The following MATR3 variants were observed in gnomAD, a reference collection of about 807,000 sequenced individuals.
MATR3 encodes matrin 3, also known as matrin-3.
Under a neutral mutation model 85.5 loss-of-function variants are expected in MATR3, and 4 were observed. The observed-to-expected ratio is 0.05, with a 90% CI of 0.02 to 0.11. The LOEUF (loss-of-function observed/expected upper bound fraction) is 0.11. Ranked by LOEUF, MATR3 falls within the 10% of genes least tolerant of loss-of-function variation. The pLI is 1.00. For missense variants in MATR3, 685 were observed against 1,016.1 expected (o/e 0.67, Z 4.43); for synonymous variants, 336 against 343.1 (o/e 0.98, Z 0.23).
chr5:139,317,228 A>G (rs1755296323), intron 6 of MATR3, 123 bp downstream of exon 6: 1 of 1,007,974 alleles, frequency 9.9e-7, no homozygotes, highest in Non-Finnish European at 1.5e-6. Context: ...ATTTGAAAAC[A>G]ATCACGTTTT....
chr5:139,279,070 A>G (rs752745872), exon 3 of MATR3: 7 of 460,958 alleles, frequency 1.5e-5, no homozygotes, highest in Non-Finnish European at 3.0e-5. Flanking sequence ...CCTGAATGAC[A>G]TCTACCTCCA....
intron 1 of MATR3, among the ~76,000 whole-genome samples, chr5:139,304,784 A>G (rs879483889): frequency 2.0e-5 from 3 of 152,234 alleles, no homozygotes; most frequent in Non-Finnish European, 4.4e-5. Flanking sequence ...GGAAAAAACA[A>G]TACAGTAAAA....
At chr5:139,320,484 G>C (rs892819398) in intron 9 of MATR3, among the ~76,000 whole-genome samples, 1 of 152,086 alleles carries the variant, frequency 6.6e-6, no homozygotes, top group African/African-American at 2.4e-5. Flanking sequence ...TGCTCGTACA[G>C]TTTTAGCTAC....
chr5:139,327,507 C>T (rs1401719784), intron 14 of MATR3, among the ~76,000 whole-genome samples: 12 of 152,102 alleles, frequency 7.9e-5, no homozygotes, highest in African/African-American at 2.4e-4. Flanking sequence ...CCCCAACCCC[C>T]GCCTCCCAGG....
chr5:139,317,472 G>A (rs1008247538), intron 6 of MATR3, 124 bp from the exon 7 acceptor site: 4 of 947,226 alleles, frequency 4.2e-6, no homozygotes, highest in Non-Finnish European at 6.7e-6. Context: ...TCTCTAGAAT[G>A]TTATGAGTTG....
chr5:139,314,226 C>G (rs970775063), intron 2 of MATR3: 1 of 186,672 alleles, frequency 5.4e-6, no homozygotes, highest in African/African-American at 2.4e-5. Context: ...CTAAAAGATT[C>G]TATTTTAACT....
chr5:139,293,307 C>A (rs1056506434), upstream of MATR3: 1 of 152,262 alleles, frequency 6.6e-6, no homozygotes. Flanking sequence ...GTATCGTTTT[C>A]CCTTTGTGGC....
intron 1 of MATR3, among the ~76,000 whole-genome samples, chr5:139,275,230 C>T (rs1753230001): frequency 7.5e-6 from 1 of 133,150 alleles, no homozygotes; most frequent in Non-Finnish European, 1.6e-5. Flanking sequence ...ATCTCCTGAA[C>T]TCGTGATCCG....
At chr5:139,313,072 C>T (rs1303591657) in intron 2 of MATR3, 7 of 150,130 alleles carry the variant, frequency 4.7e-5, no homozygotes, top group African/African-American at 1.2e-4. Context: ...AATACCAATC[C>T]GCAGCTTTTT....
chr5:139,281,356 G>GT (rs1371325133), intron 3 of MATR3, among the ~76,000 whole-genome samples: 11,917 of 101,030 alleles, frequency 0.12, 858 homozygotes, highest in East Asian at 0.24. Context: ...TTTTTTTTTT[G>GT]TTTTTTTTTT....
Position 139,321,997 on chromosome 5 carries a change from C to T in MATR3, c.1702C>T (p.Leu568=), listed in dbSNP as rs1755598336. The change falls in exon 10 of 15, where the codon CTG becomes TTG. Residue 568 remains leucine (L), a synonymous_variant. Transcript: ENST00000394805. ...TCAGGGGAGATGTGTGAAGGTTGAC[C>T]TGTCTGAGAAATATAAAAAACTGGT... ...WFQGRCVKVD[L]SEKYKKLVLR... 3 of 1,613,930 alleles carry T rather than the reference C, an allele frequency of 1.9e-6. No homozygotes were observed. The highest frequency in any genetic ancestry group is 1.3e-5 in the African/African-American group (1 of 74,990).
chr5:139,309,463 T>A (rs557556653), intron 2 of MATR3, among the ~76,000 whole-genome samples: 9 of 151,242 alleles, frequency 6.0e-5, no homozygotes, highest in African/African-American at 2.2e-4. Flanking sequence ...TGAGTATGGA[T>A]TTTTTTTTAG....
In MATR3 at chr5:139,330,566, T is replaced by G; in HGVS notation, c.*1171T>G. ...AAAGATCTGAGTTTTAAAAATGTTGTTGCTGGTGGATTTCTTGTTCCTGTT... is the reference window on the plus strand; with the variant it reads ...AAAGATCTGAGTTTTAAAAATGTTGGTGCTGGTGGATTTCTTGTTCCTGTT... On this transcript the variant is annotated 3_prime_UTR_variant, in exon 15 of 15. Transcript: ENST00000394805. 1 of 454,140 alleles carries G rather than the reference T, an allele frequency of 2.2e-6. No individual in the cohort carries two copies. The highest frequency in any genetic ancestry group is 1.6e-5 in the South Asian group (1 of 64,478). The allele number at this position is 454,140 out of a possible 1,614,324, so 28.1% of individuals were successfully genotyped here. A position where few individuals can be genotyped will look rare whatever the true frequency, so the allele number is the denominator to read the frequency against.
rs1270009374 is a variant in MATR3, at chr5:139,329,633, A to G, written c.*238A>G. On this transcript the variant is annotated 3_prime_UTR_variant, in exon 15 of 15. Transcript: ENST00000394805. ...ATGGCAACAGACAGAAGTACTTTGTAGAGATTGACTTCCTAAGCTACTTAA... is the reference window on the plus strand; with the variant it reads ...ATGGCAACAGACAGAAGTACTTTGTGGAGATTGACTTCCTAAGCTACTTAA... 1.9e-6 allele frequency: 1 copy of G among 528,356 alleles called. No homozygotes were observed. Among genetic ancestry groups the G allele is most frequent in the Non-Finnish European group, 3.6e-6 (1 of 276,704 alleles). The allele number at this position is 528,356 out of a possible 1,614,324, so 32.7% of individuals were successfully genotyped here. A position where few individuals can be genotyped will look rare whatever the true frequency, so the allele number is the denominator to read the frequency against.
intron 13 of MATR3, among the ~76,000 whole-genome samples, chr5:139,325,876 A>G (rs1037356071): frequency 2.0e-5 from 3 of 152,128 alleles, no homozygotes; most frequent in Non-Finnish European, 2.9e-5. Flanking sequence ...TTATTCCACA[A>G]TGTGTTCCCT....
chr5:139,279,991 A>C (rs150536628), intron 3 of MATR3: 2 of 152,310 alleles, frequency 1.3e-5, no homozygotes, highest in African/African-American at 4.8e-5. Flanking sequence ...CATTTCCACC[A>C]ATTCAGAAAG....
intron 3 of MATR3, chr5:139,283,482 T>C (rs1753604965): frequency 6.6e-6 from 1 of 152,308 alleles, no homozygotes; most frequent in African/African-American, 2.4e-5. Context: ...TCTATCCTTT[T>C]CTACACTGGG....
chr5:139,329,340 T>C lies in MATR3; in HGVS notation c.2494-5T>C. 1 of 1,608,506 alleles carries C rather than the reference T, an allele frequency of 6.2e-7. No homozygotes were observed. Among genetic ancestry groups the C allele is most frequent in the Non-Finnish European group, 8.5e-7 (1 of 1,175,314 alleles). Reference sequence around the variant, plus strand: ...CTTAATGGCTGTAATTCTCTTTCTTTATAGAAATTTCTGAATAAATTGGCA... The same window carrying C: ...CTTAATGGCTGTAATTCTCTTTCTTCATAGAAATTTCTGAATAAATTGGCA... On this transcript the variant is annotated splice_region_variant and splice_polypyrimidine_tract_variant and intron_variant, in intron 14 of 14. Coordinates refer to ENST00000394805, the MANE Select transcript of MATR3 (RefSeq NM_018834.6).
At chr5:139,309,101 A>C (rs562357366) in intron 2 of MATR3, among the ~76,000 whole-genome samples, 1 of 152,292 alleles carries the variant, frequency 6.6e-6, no homozygotes, top group South Asian at 2.1e-4. Context: ...TGAAAAGAAA[A>C]TCTAATTCTC....
Sources: gnomAD v4.1 joint callset for allele counts (sites outside exome capture counted in the v4.1 genomes callset) on GRCh38, gnomAD v4.1.1 for gene constraint, MANE v1.5 for transcripts, NCBI Gene and HGNC (gene_info 2026-07-23, HGNC 2026-07-21) for gene names.